ZNF254: variants seen among roughly 807,000 people sequenced by gnomAD.
The protein encoded by ZNF254 is zinc finger protein 254.
Under a neutral mutation model 12.4 loss-of-function variants are expected in ZNF254, and 10 were observed. The ratio of observed to expected loss-of-function variants is 0.80; its 90% CI spans 0.50 to 1.36. The LOEUF (loss-of-function observed/expected upper bound fraction) is 1.36, where lower values mean the gene tolerates loss of function less well. Among genes scored for constraint, ZNF254 ranks in the 40% most tolerant of loss-of-function variants. ZNF254 has a pLI of 0.00. For missense variants in ZNF254, 996 were observed against 763.9 expected, an observed-to-expected ratio of 1.30 and a Z score of -3.58; for synonymous variants, 305 against 253.4, an observed-to-expected ratio of 1.20 and a Z score of -1.93.
intron 3 of ZNF254, among the ~76,000 whole-genome samples, chr19:24,123,885 T>C (rs1257949293): frequency 2.0e-5 from 3 of 152,110 alleles, no homozygotes; most frequent in Admixed American, 1.3e-4. Context: ...CAACTGACTC[T>C]TGTAGAAAGG....
chr19:24,050,137 T>A (rs1345082676), intron 2 of ZNF254, among the ~76,000 whole-genome samples: 1 of 151,972 alleles, frequency 6.6e-6, no homozygotes, highest in Non-Finnish European at 1.5e-5. Context: ...TATTTTATTT[T>A]ATTTATTGTA....
In ZNF254 at chr19:24,052,485, T is replaced by TC. The variant is rs1273819258; in HGVS notation, c.-94+6206_-94+6207insC. Among the ~76,000 whole-genome samples, 4 of 152,306 alleles carry TC rather than the reference T, an allele frequency of 2.6e-5. 1 individual carries two copies. The South Asian group carries it at 8.3e-4, about 32-fold the overall frequency. On this transcript the variant is annotated intron_variant, in intron 2 of 4. Transcript: ENST00000613065. The stretch of plus-strand genomic sequence containing the variant: ...TATCTAGGAGATTTAACTCCCCTTT[T>TC]TGCCTGCACCCTGACCACTGGGAAG...
intron 1 of ZNF254, among the ~76,000 whole-genome samples, chr19:24,093,059 C>T (rs1184157809): frequency 6.6e-6 from 1 of 152,064 alleles, no homozygotes; most frequent in Non-Finnish European, 1.5e-5. Context: ...TATTGATAGG[C>T]ATTTTATTAT....
chr19:24,100,648 A>G (rs1972959778), intron 1 of ZNF254, among the ~76,000 whole-genome samples: 1 of 150,080 alleles, frequency 6.7e-6, no homozygotes, highest in Non-Finnish European at 1.5e-5. Flanking sequence ...TTTAAACAAG[A>G]ATTTCTGACA....
At chr19:24,106,797 C>T (rs1973370333) in intron 3 of ZNF254, 154 bp downstream of exon 3, 1 of 505,812 alleles carries the variant, frequency 2.0e-6, no homozygotes, top group African/African-American at 2.0e-5. Flanking sequence ...CACATAGGGG[C>T]ATCTTCTGCT....
intron 2 of ZNF254, among the ~76,000 whole-genome samples, chr19:24,075,401 GAGAA>G (rs1286049312): frequency 1.3e-5 from 2 of 152,140 alleles, no homozygotes; most frequent in Non-Finnish European, 2.9e-5. Context: ...GAGAAATAAA[GAGAA>G]AGAGTACAAA....
chr19:24,127,197 T>C lies in ZNF254; in HGVS notation c.1197T>C (p.Ile399=), dbSNP rs750118507. 2.5e-6 allele frequency: 4 copies of C among 1,613,190 alleles called. No individual in the cohort carries two copies. The highest frequency in any genetic ancestry group is 3.4e-6 in the Non-Finnish European group (4 of 1,179,650). ...CAACTCTTACTACACATAAAATAAT[T>C]CATGTTGGAGAGAAACTCTACAAAT... The part of the protein sequence containing the change: ...QLSTLTTHKI[I]HVGEKLYKCE... The change falls in exon 4 of 4, where the codon ATT becomes ATC. Residue 399 remains isoleucine, a synonymous_variant. Coordinates refer to ENST00000357002, the MANE Select transcript of ZNF254 (RefSeq NM_203282.4).
At chr19:24,036,072 G>A (rs923265173) in intron 1 of ZNF254, among the ~76,000 whole-genome samples, 1 of 151,154 alleles carries the variant, frequency 6.6e-6, no homozygotes, top group African/African-American at 2.5e-5. Flanking sequence ...GTTTTGTTTT[G>A]TTTTTTTGAG....
intron 1 of ZNF254, among the ~76,000 whole-genome samples, chr19:24,090,892 C>T (rs1197968985): frequency 6.7e-6 from 1 of 149,176 alleles, no homozygotes; most frequent in Non-Finnish European, 1.5e-5. Flanking sequence ...TTTTCTTTCT[C>T]AGAGTGAGTT....
intron 3 of ZNF254, among the ~76,000 whole-genome samples, chr19:24,116,100 C>G (rs1599745446): frequency 6.6e-6 from 1 of 152,142 alleles, no homozygotes; most frequent in Non-Finnish European, 1.5e-5. Flanking sequence ...TGTGGGTAGT[C>G]CGACCTTTCT....
Position 24,106,593 on chromosome 19 carries a change from G to A in ZNF254, c.203G>A (p.Gly68Glu), listed in dbSNP as rs748865372. 6 of 1,584,922 alleles carry A rather than the reference G, an allele frequency of 3.8e-6. No individual in the cohort carries two copies. In the Admixed American group the frequency reaches 1.0e-4, roughly 27 times the overall value. Residue 68 changes from glycine (G) to glutamate (E), a missense_variant, in exon 3 of 4, where the codon GGG becomes GAG. Coordinates refer to ENST00000357002, the MANE Select transcript of ZNF254 (RefSeq NM_203282.4). The part of the protein sequence containing the change: ...KPDLITCLEQ[G>E]KEPWNMKRHE... Reference sequence around the variant, plus strand: ...GACCTGATCACCTGTCTGGAACAAGGGAAAGAGCCCTGGAATATGAAGCGA... The same window carrying A: ...GACCTGATCACCTGTCTGGAACAAGAGAAAGAGCCCTGGAATATGAAGCGA...
At chr19:24,068,305 C>CTT (rs932190326) in intron 2 of ZNF254, among the ~76,000 whole-genome samples, 2 of 143,568 alleles carry the variant, frequency 1.4e-5, no homozygotes. Context: ...CCTATCTAGC[C>CTT]TTTTTTTTTT....
chr19:24,065,831 T>C (rs1482429239), intron 2 of ZNF254: 1 of 152,202 alleles, frequency 6.6e-6, no homozygotes, highest in Non-Finnish European at 1.5e-5. Context: ...CATTGTTAAA[T>C]ATTGTTGGGT....
intron 1 of ZNF254, chr19:24,033,743 G>A: frequency 4.8e-6 from 1 of 207,488 alleles, no homozygotes; most frequent in Non-Finnish European, 1.0e-5. Context: ...TCAGCCCCAG[G>A]CCCCTCTGGC....
At position 24,073,621 on chromosome 19, in the gene ZNF254, A is replaced by C. The variant is rs556356091; in HGVS notation, c.-94+27342A>C. 1.8e-4 allele frequency among the ~76,000 whole-genome samples: 28 copies of C among 152,296 alleles called. 2 individuals are homozygous for C. The South Asian group carries it at 5.8e-3, about 32-fold the overall frequency. ...AGTTCTGATTCTCATATTTGGAGGTAGCCAAAAGCTGGAAAATTGACTCTC... is the reference window on the plus strand; with the variant it reads ...AGTTCTGATTCTCATATTTGGAGGTCGCCAAAAGCTGGAAAATTGACTCTC... On this transcript the variant is annotated intron_variant, in intron 2 of 4. Transcript: ENST00000613065.
chr19:24,082,481 C>CT (rs1467237542), upstream of ZNF254, among the ~76,000 whole-genome samples: 3 of 95,290 alleles, frequency 3.1e-5, no homozygotes, highest in Non-Finnish European at 6.1e-5. Flanking sequence ...CCCATCTATA[C>CT]TAAAAAAAAA....
At position 24,127,822 on chromosome 19, in the gene ZNF254, G is replaced by A. The variant is rs778905966; in HGVS notation, c.1822G>A (p.Gly608Ser). 3 of 1,613,184 alleles carry A rather than the reference G, an allele frequency of 1.9e-6. No individual in the cohort carries two copies. The East Asian group carries it at 6.7e-5, about 36-fold the overall frequency. The change falls in exon 4 of 4, where the codon GGC becomes AGC. Residue 608 changes from glycine to serine, a missense_variant. Gly to Ser is a moderately conservative substitution (Grantham distance 56). Transcript: ENST00000357002. ...GVKPYKCEEC[G>S]KAFFWSSTLT... ...AAAACCCTACAAATGTGAAGAATGT[G>A]GCAAAGCATTTTTCTGGTCCTCAAC...
At chr19:24,067,878 T>C (rs1209630826) in intron 2 of ZNF254, among the ~76,000 whole-genome samples, 2 of 152,148 alleles carry the variant, frequency 1.3e-5, no homozygotes, top group African/African-American at 4.8e-5. Flanking sequence ...CACAAGAGTA[T>C]TATGAAATAA....
At chr19:24,123,386 C>T (rs372492538) in intron 3 of ZNF254, among the ~76,000 whole-genome samples, 14 of 152,202 alleles carry the variant, frequency 9.2e-5, no homozygotes, top group South Asian at 2.1e-4. Context: ...CTGATGTTGT[C>T]GAGGAGTGTT....
Sources: allele counts gnomAD v4.1 joint callset (sites outside exome capture counted in the v4.1 genomes callset), GRCh38; gene constraint gnomAD v4.1.1; transcripts MANE v1.5; gene names NCBI Gene and HGNC (gene_info 2026-07-23, HGNC 2026-07-21).